The following OPHN1 variants were observed in gnomAD, a reference collection of about 807,000 sequenced individuals.
OPHN1 encodes oligophrenin 1.
Under a neutral mutation model 60.7 loss-of-function variants are expected in OPHN1, and 11 were observed. The ratio of observed to expected loss-of-function variants is 0.18; its 90% CI spans 0.11 to 0.30. OPHN1 has a LOEUF of 0.30. Ranked by LOEUF, OPHN1 falls within the 10% of genes least tolerant of loss-of-function variation. The pLI is 1.00. For synonymous variants in OPHN1, 226 were observed against 222.6 expected, an observed-to-expected ratio of 1.02 and a Z score of -0.14; for missense variants, 449 against 611.0, an observed-to-expected ratio of 0.73 and a Z score of 2.80.
At chrX:68,146,141 T>C (rs866166292) in intron 15 of OPHN1, among the ~76,000 whole-genome samples, 5 of 112,542 alleles carry the variant, frequency 4.4e-5, no homozygotes, top group South Asian at 7.3e-4. Context: ...TTAGTTTTCA[T>C]ACAAATATCT....
chrX:68,149,847 A>G (rs1188902844), intron 15 of OPHN1, among the ~76,000 whole-genome samples: 1 of 111,720 alleles, frequency 9.0e-6, no homozygotes, highest in Non-Finnish European at 1.9e-5. Flanking sequence ...GTACATGGAC[A>G]TTGATGTTCA....
chrX:68,410,937 G>C (rs2078766094), intron 2 of OPHN1, among the ~76,000 whole-genome samples: 1 of 111,764 alleles, frequency 8.9e-6, no homozygotes, highest in Admixed American at 9.6e-5. Flanking sequence ...TATTATTTCA[G>C]CCGTAAAAAG....
intron 2 of OPHN1, among the ~76,000 whole-genome samples, chrX:68,376,564 CAGA>C (rs995348725): frequency 9.0e-6 from 1 of 111,283 alleles, no homozygotes; most frequent in African/African-American, 3.3e-5. Context: ...GGCAAGGCCA[CAGA>C]AGGAGTGTGG....
chrX:68,179,606 G>C (rs927740351), intron 15 of OPHN1, among the ~76,000 whole-genome samples: 84 of 111,449 alleles, frequency 7.5e-4, no homozygotes, highest in African/African-American at 2.7e-3. Context: ...ATCCGGCTTT[G>C]AGCAAGTATC....
intron 2 of OPHN1, among the ~76,000 whole-genome samples, chrX:68,357,956 G>A (rs984661844): frequency 2.8e-5 from 3 of 108,532 alleles, no homozygotes; most frequent in Non-Finnish European, 5.7e-5. Context: ...TACTATTTAG[G>A]GACCCAAGCA....
chrX:68,228,521 T>G (rs1448995553), intron 6 of OPHN1, among the ~76,000 whole-genome samples: 1 of 111,726 alleles, frequency 9.0e-6, no homozygotes, highest in Non-Finnish European at 1.9e-5. Flanking sequence ...AATAAAATAC[T>G]GGCAAACTGA....
chrX:68,274,525 C>G (rs774319576), intron 5 of OPHN1, among the ~76,000 whole-genome samples: 3 of 111,367 alleles, frequency 2.7e-5, no homozygotes, highest in South Asian at 7.7e-4. Flanking sequence ...CTCCCCACCC[C>G]CTTTGTCATG....
intron 2 of OPHN1, among the ~76,000 whole-genome samples, chrX:68,325,367 A>C (rs998747777): frequency 4.6e-5 from 5 of 107,973 alleles, no homozygotes; most frequent in Non-Finnish European, 7.7e-5. Flanking sequence ...GGTGGACCAG[A>C]AATGGAAATC....
intron 19 of OPHN1, among the ~76,000 whole-genome samples, chrX:68,074,407 C>T (rs948414321): frequency 4.5e-5 from 5 of 111,833 alleles, no homozygotes; most frequent in Non-Finnish European, 9.4e-5. Context: ...GGTTCTAGGT[C>T]ATATTCCTAA....
chrX:68,077,708 GAA>G (rs1335823835), intron 19 of OPHN1, among the ~76,000 whole-genome samples: 1 of 112,038 alleles, frequency 8.9e-6, no homozygotes, highest in Non-Finnish European at 1.9e-5. Context: ...CTAGGAAAGT[GAA>G]TAGGATTACA....
At chrX:68,417,290 G>T (rs894229715) in intron 2 of OPHN1, among the ~76,000 whole-genome samples, 8 of 111,024 alleles carry the variant, frequency 7.2e-5, no homozygotes, top group African/African-American at 3.3e-5. Context: ...ACGGAGTTTT[G>T]CCATGTAGCC....
intron 20 of OPHN1, among the ~76,000 whole-genome samples, chrX:68,069,694 G>T (rs1295609508): frequency 9.1e-6 from 1 of 110,362 alleles, no homozygotes; most frequent in Non-Finnish European, 1.9e-5. Flanking sequence ...GCCATATAAA[G>T]GGATAGGGAG....
chrX:68,053,775 C>G lies in OPHN1; in HGVS notation c.2194G>C (p.Gly732Arg), dbSNP rs769095907. 1.7e-6 allele frequency: 2 copies of G among 1,210,319 alleles called. No homozygotes were observed. The highest frequency in any genetic ancestry group is 2.2e-6 in the Non-Finnish European group (2 of 895,145). Residue 732 changes from glycine (G) to arginine (R), a missense_variant, in exon 22 of 25, where the codon GGA becomes CGA. Physicochemically the swap from Gly to Arg is moderately radical, Grantham distance 125. This residue lies in a region of OPHN1 where 184 missense variants were observed against 160.5 expected (regional missense o/e 1.15). Transcript: ENST00000355520. ...ADSFSKVRPP[G>R]EKPTIIRPPV... ...GGGCGGATGATGGTTGGCTTTTCTC[C>G]TGGAGGCCGCACTTTGCTGAAACTG... is the stretch of plus-strand genomic sequence containing the variant.
chrX:68,125,954 T>TATATATATATATATATATACAC (rs1262640434), intron 15 of OPHN1, among the ~76,000 whole-genome samples: 1 of 55,827 alleles, frequency 1.8e-5, no homozygotes, highest in South Asian at 1.5e-3. Context: ...TATATATATA[T>TATATATATATATATATATACAC]ATACATACAC....
At chrX:68,357,521 C>A (rs1000338014) in intron 2 of OPHN1, among the ~76,000 whole-genome samples, 1 of 108,713 alleles carries the variant, frequency 9.2e-6, no homozygotes, top group Middle Eastern at 4.3e-3. Context: ...TTTGTCCTTG[C>A]GATAGTTTGC....
At chrX:68,411,298 C>T (rs2078768107) in intron 2 of OPHN1, among the ~76,000 whole-genome samples, 1 of 112,096 alleles carries the variant, frequency 8.9e-6, no homozygotes, top group Admixed American at 9.5e-5. Flanking sequence ...CCAATAATTT[C>T]CCAATAATGG....
chrX:68,135,533 G>A (rs1380416375), intron 15 of OPHN1, among the ~76,000 whole-genome samples: 1 of 112,095 alleles, frequency 8.9e-6, no homozygotes, highest in Non-Finnish European at 1.9e-5. Flanking sequence ...GGAATGGTCT[G>A]CTCTGACTTG....
intron 4 of OPHN1, among the ~76,000 whole-genome samples, chrX:68,278,245 A>G (rs1009908818): frequency 3.9e-4 from 44 of 112,479 alleles, no homozygotes; most frequent in African/African-American, 1.4e-3. Flanking sequence ...TGTAGAAAAA[A>G]GTCACATTGA....
intron 2 of OPHN1, among the ~76,000 whole-genome samples, chrX:68,377,311 T>C (rs1186044463): frequency 9.1e-6 from 1 of 109,513 alleles, no homozygotes; most frequent in African/African-American, 3.3e-5. Context: ...TTAGCCAGGA[T>C]GGTCTTGATC....
Sources: gnomAD v4.1 joint callset for allele counts (sites outside exome capture counted in the v4.1 genomes callset) on GRCh38, gnomAD v4.1.1 for gene constraint, gnomAD v4.1.1 regional missense constraint, MANE v1.5 for transcripts, NCBI Gene and HGNC (gene_info 2026-07-23, HGNC 2026-07-21) for gene names.